Variants in DIAPH3 observed in about 807,000 individuals in gnomAD.
DIAPH3 encodes the protein protein diaphanous homolog 3.
In DIAPH3, 117 loss-of-function variants were observed where a neutral mutation model predicts 144.3. The ratio of observed to expected loss-of-function variants is 0.81; its 90% CI spans 0.70 to 0.95. The LOEUF (loss-of-function observed/expected upper bound fraction) is 0.95. Ranked by LOEUF, DIAPH3 falls within the 40% of genes least tolerant of loss-of-function variation. The probability of loss-of-function intolerance (pLI) is 0.00; values close to 1 mark genes in which losing one functional copy is unlikely to be tolerated. For missense variants in DIAPH3, 1,421 were observed against 1,412.7 expected (o/e 1.01, Z -0.09); for synonymous variants, 519 against 488.9 (o/e 1.06, Z -0.81).
At chr13:59,799,025 G>GA (rs57190058) in intron 25 of DIAPH3, among the ~76,000 whole-genome samples, 5 of 150,760 alleles carry the variant, frequency 3.3e-5, no homozygotes, top group African/African-American at 4.9e-5. Flanking sequence ...GCCTGGGGAA[G>GA]AAAAAAAAAG....
At chr13:60,079,361 T>C (rs1295346386) in intron 4 of DIAPH3, among the ~76,000 whole-genome samples, 2 of 151,864 alleles carry the variant, frequency 1.3e-5, no homozygotes, top group Non-Finnish European at 1.5e-5. Context: ...ATACCAAGAG[T>C]TGACTTTTTG....
chr13:59,775,401 C>T (rs192329074), intron 25 of DIAPH3, among the ~76,000 whole-genome samples: 300 of 152,164 alleles, frequency 2.0e-3, no homozygotes, highest in African/African-American at 6.7e-3. Flanking sequence ...TGCCACCACG[C>T]CCGGCTAATT....
intron 27 of DIAPH3, among the ~76,000 whole-genome samples, chr13:59,737,209 G>A (rs997140641): frequency 6.6e-6 from 1 of 152,044 alleles, no homozygotes; most frequent in Non-Finnish European, 1.5e-5. Context: ...AGAGTAAACA[G>A]ACAACCTACA....
intron 27 of DIAPH3, among the ~76,000 whole-genome samples, chr13:59,718,221 C>A (rs967111905): frequency 2.6e-5 from 4 of 151,588 alleles, no homozygotes; most frequent in Non-Finnish European, 5.9e-5. Flanking sequence ...TCAGACTTAA[C>A]TTTCCTTCCT....
chr13:59,796,590 A>G (rs1803766206), intron 25 of DIAPH3, among the ~76,000 whole-genome samples: 1 of 152,258 alleles, frequency 6.6e-6, no homozygotes, highest in Non-Finnish European at 1.5e-5. Context: ...AGAGTTGTCC[A>G]TATACATACA....
chr13:59,863,772 A>G (rs2043744927), intron 21 of DIAPH3, among the ~76,000 whole-genome samples: 1 of 152,182 alleles, frequency 6.6e-6, no homozygotes, highest in African/African-American at 2.4e-5. Flanking sequence ...CAGATTTCAC[A>G]ACATAGAGCT....
chr13:59,710,760 T>C (rs1181546578), intron 27 of DIAPH3, among the ~76,000 whole-genome samples: 1 of 152,254 alleles, frequency 6.6e-6, no homozygotes, highest in Non-Finnish European at 1.5e-5. Flanking sequence ...ACTGCCTTTG[T>C]ATTAATTTCT....
rs77101709 is a variant in DIAPH3 at position 59,738,592 on chromosome 13, A to G, written c.3319+35597T>C. Among the ~76,000 whole-genome samples the G allele has an allele frequency of 9.4e-4, 143 of 152,232 alleles. 1 individual carries two copies. The highest frequency in any genetic ancestry group is 3.3e-3 in the African/African-American group (139 of 41,542). On this transcript the variant is annotated intron_variant, in intron 27 of 27. Transcript: ENST00000400324. The stretch of plus-strand genomic sequence containing the variant: ...CGGATTTACCCTACTGTCAAATACT[A>G]AGACTACTAAAAAGAGGATATGCAC...
intron 17 of DIAPH3, among the ~76,000 whole-genome samples, chr13:59,945,249 C>CT (rs1217614538): frequency 1.3e-5 from 2 of 152,144 alleles, no homozygotes; most frequent in African/African-American, 2.4e-5. Context: ...ACTATCCTCT[C>CT]TAAACACACC....
chr13:59,940,436 G>A (rs1296791365), intron 17 of DIAPH3, among the ~76,000 whole-genome samples: 1 of 152,064 alleles, frequency 6.6e-6, no homozygotes, highest in Admixed American at 6.6e-5. Context: ...ACAAGCCAAC[G>A]CAGAACAGAA....
intron 4 of DIAPH3, among the ~76,000 whole-genome samples, chr13:60,046,134 C>G (rs1048438746): frequency 6.6e-6 from 1 of 152,140 alleles, no homozygotes; most frequent in African/African-American, 2.4e-5. Context: ...CTCAATTGAA[C>G]CAAAAGATGC....
At chr13:59,877,932 T>G (rs2044737540) in intron 21 of DIAPH3, among the ~76,000 whole-genome samples, 1 of 152,120 alleles carries the variant, frequency 6.6e-6, no homozygotes, top group African/African-American at 2.4e-5. Context: ...TAAATTCCCA[T>G]TTCTCTCTGA....
chr13:59,901,437 G>A (rs533255336), intron 20 of DIAPH3, among the ~76,000 whole-genome samples: 1 of 152,142 alleles, frequency 6.6e-6, no homozygotes, highest in South Asian at 2.1e-4. Context: ...AAGTCACTCC[G>A]GCTTCTGCTC....
chr13:60,064,452 AC>A (rs2056884043), intron 4 of DIAPH3, among the ~76,000 whole-genome samples: 1 of 152,204 alleles, frequency 6.6e-6, no homozygotes, highest in South Asian at 2.1e-4. Flanking sequence ...GTCACCTTGC[AC>A]TTTTATACTA....
rs533846008 is a variant in DIAPH3, at chr13:59,700,673, T to TG, written c.3320-33828dup. On this transcript the variant is annotated intron_variant, in intron 27 of 27. Coordinates refer to ENST00000400324, the MANE Select transcript of DIAPH3 (RefSeq NM_001042517.2). ...TCTTCCAGAGGATAAAGCCAGTTGATGGGGGGAAGTTGCCTGACCCACACT... is the reference window on the plus strand; with the variant it reads ...TCTTCCAGAGGATAAAGCCAGTTGATGGGGGGGAAGTTGCCTGACCCACACT... 3.7e-3 allele frequency among the ~76,000 whole-genome samples: 561 copies of TG among 152,236 alleles called. 7 individuals are homozygous for TG. Among genetic ancestry groups the TG allele is most frequent in the South Asian group, 3.9e-3 (19 of 4,824 alleles).
At chr13:60,110,961 A>G (rs1249059237) in intron 3 of DIAPH3, among the ~76,000 whole-genome samples, 1 of 152,214 alleles carries the variant, frequency 6.6e-6, no homozygotes, top group Non-Finnish European at 1.5e-5. Context: ...TTGTGGAAAT[A>G]AAATGTGGCC....
Position 59,848,570 on chromosome 13 carries a change from G to C in DIAPH3, c.2738-9122C>G, listed in dbSNP as rs1337715728. Among the ~76,000 whole-genome samples, 25 of 135,602 alleles carry C rather than the reference G, an allele frequency of 1.8e-4. No individual in the cohort carries two copies. The South Asian group carries it at 3.0e-3, about 16-fold the overall frequency. 89.0% of individuals were successfully genotyped at this position (135,602 alleles called of 152,430 possible). On this transcript the variant is annotated intron_variant, in intron 22 of 27. Transcript: ENST00000400324. The stretch of plus-strand genomic sequence containing the variant: ...CTATGAGTGAGAATATGCGGTGTTT[G>C]GTTTTTTGTTCTTGCGATAGTTTAC...
At chr13:60,038,929 G>A (rs1430980148) in intron 5 of DIAPH3, among the ~76,000 whole-genome samples, 1 of 151,868 alleles carries the variant, frequency 6.6e-6, no homozygotes, top group Non-Finnish European at 1.5e-5. Context: ...CTACCCAAAT[G>A]TATTCCATAA....
chr13:59,888,597 A>G (rs578221466), intron 20 of DIAPH3, among the ~76,000 whole-genome samples: 2 of 151,618 alleles, frequency 1.3e-5, no homozygotes, highest in Middle Eastern at 6.8e-3. Context: ...GGAATTATAA[A>G]CCCTGTTACG....
Sources: gnomAD v4.1 joint callset for allele counts (sites outside exome capture counted in the v4.1 genomes callset) on GRCh38, gnomAD v4.1.1 for gene constraint, MANE v1.5 for transcripts, NCBI Gene and HGNC (gene_info 2026-07-23, HGNC 2026-07-21) for gene names.